DNAH5: variants seen among roughly 807,000 people sequenced by gnomAD.
DNAH5 encodes dynein axonemal heavy chain 5.
Under a neutral mutation model 518.2 loss-of-function variants are expected in DNAH5, and 372 were observed. The ratio of observed to expected loss-of-function variants is 0.72; its 90% confidence interval spans 0.66 to 0.78. The LOEUF is 0.78. DNAH5 is among the 30% of genes least tolerant of loss of function. The pLI is 0.00. For missense variants in DNAH5, 5,523 were observed against 5,687.0 expected (o/e 0.97, Z 0.93); for synonymous variants, 2,039 against 2,025.9 (o/e 1.01, Z -0.17).
In DNAH5 at chr5:13,901,383, T is replaced by C. The variant is rs1774597178; in HGVS notation, c.1921A>G (p.Met641Val). Reference sequence around the variant, plus strand: ...GCTGGGTGCTGCTGGAAAAGCTGCATGGGCTGCTGAATCCTATGGAAGAGC... The same window carrying C: ...GCTGGGTGCTGCTGGAAAAGCTGCACGGGCTGCTGAATCCTATGGAAGAGC... ...RQLFHRIQQP[M>V]QLFQQHPAVL... Residue 641 changes from methionine to valine, a missense_variant, in exon 14 of 79, where the codon ATG becomes GTG. Met to Val is a conservative substitution (Grantham distance 21). This residue lies in a region of DNAH5 where 5,121 missense variants were observed against 5,223.3 expected (regional missense o/e 0.98). Transcript: ENST00000265104. The C allele has an allele frequency of 6.2e-7, 1 of 1,614,160 alleles. No homozygotes were observed. Among genetic ancestry groups the C allele is most frequent in the Non-Finnish European group, 8.5e-7 (1 of 1,180,018 alleles).
chr5:13,993,925 C>T (rs1210309529), intron 1 of DNAH5, among the ~76,000 whole-genome samples: 1 of 152,196 alleles, frequency 6.6e-6, no homozygotes, highest in Non-Finnish European at 1.5e-5. Flanking sequence ...TATAATGCAA[C>T]CCATTGCTCA....
chr5:13,752,394 A>G lies in DNAH5; in HGVS notation c.10873-105T>C, dbSNP rs1580062300. The G allele has an allele frequency of 4.5e-6, 6 of 1,332,234 alleles. No individual in the cohort carries two copies. The East Asian group carries it at 1.4e-4, about 31-fold the overall frequency. The allele number at this position is 1,332,234 out of a possible 1,614,324, so 82.5% of individuals were successfully genotyped here. On this transcript the variant is annotated intron_variant, in intron 63 of 78. Transcript: ENST00000265104. ...CCTAAAGCATTCTACTGCAAGAGACAAATACAAATTGAGCATCCAAAATGT... is the reference window on the plus strand; with the variant it reads ...CCTAAAGCATTCTACTGCAAGAGACGAATACAAATTGAGCATCCAAAATGT...
At position 13,911,397 on chromosome 5, in the gene DNAH5, T is replaced by C. The variant is rs748591851; in HGVS notation, c.1633A>G (p.Asn545Asp). The C allele has an allele frequency of 6.2e-7, 1 of 1,613,236 alleles. No homozygotes were observed. The highest frequency in any genetic ancestry group is 8.5e-7 in the Non-Finnish European group (1 of 1,179,292). Residue 545 changes from asparagine to aspartate, a missense_variant, in exon 12 of 79, where the codon AAT becomes GAT. Physicochemically the swap from Asn to Asp is conservative, Grantham distance 23. Coordinates refer to ENST00000265104, the MANE Select transcript of DNAH5 (RefSeq NM_001369.3). Reference sequence around the variant, plus strand: ...ATTATACAACCTACATGAAGGTCATTAGTCTGCTTGCAAAACTCTTCGTAA... The same window carrying C: ...ATTATACAACCTACATGAAGGTCATCAGTCTGCTTGCAAAACTCTTCGTAA... ...QDYEEFCKQT[N>D]DLHNELRKFM...
intron 1 of DNAH5, among the ~76,000 whole-genome samples, chr5:13,985,430 A>AAAATATATATATATAT (rs1554006218): frequency 7.9e-6 from 1 of 127,346 alleles, no homozygotes; most frequent in Non-Finnish European, 1.7e-5. Flanking sequence ...AGTATAATAA[A>AAAATATATATATATAT]ATATATATAT....
rs1765753998 is a variant in DNAH5, at chr5:13,844,877, T to C, written c.5231A>G (p.Asn1744Ser). ...GACAGATTTAATGTTGTCAAACACA[T>C]TCAGCAAATGGGCCTGTATAGTGTG... Reference protein sequence around the residue: ...DSHTIQAHLLNVFDNIKSVKF... With the variant: ...DSHTIQAHLLSVFDNIKSVKF... The change falls in exon 32 of 79, where the codon AAT becomes AGT. Residue 1744 changes from asparagine (N) to serine (S), a missense_variant. Physicochemically the swap from Asn to Ser is conservative, Grantham distance 46. Coordinates refer to ENST00000265104, the MANE Select transcript of DNAH5 (RefSeq NM_001369.3). 6.2e-7 allele frequency: 1 copy of C among 1,614,200 alleles called. No individual in the cohort carries two copies. Among genetic ancestry groups the C allele is most frequent in the South Asian group, 1.1e-5 (1 of 91,080 alleles).
intron 53 of DNAH5, among the ~76,000 whole-genome samples, chr5:13,779,193 A>G (rs1054263558): frequency 6.6e-6 from 1 of 152,224 alleles, no homozygotes; most frequent in African/African-American, 2.4e-5. Flanking sequence ...TTTGAGTCCA[A>G]TCCCTTTCCT....
rs370351407 is a variant in DNAH5, at chr5:13,890,299, C to T, written c.2577+677G>A. ...GCGTGTGCCTGTAGTCCCAGCTACT[C>T]GGGAAGCTGAGGCAGGAGAATTGCT... On this transcript the variant is annotated intron_variant, in intron 17 of 78. Coordinates refer to ENST00000265104, the MANE Select transcript of DNAH5 (RefSeq NM_001369.3). 6.9e-4 allele frequency among the ~76,000 whole-genome samples: 104 copies of T among 150,394 alleles called. 2 individuals carry two copies. The South Asian group carries it at 0.018, about 26-fold the overall frequency.
intron 1 of DNAH5, among the ~76,000 whole-genome samples, chr5:13,954,215 T>A (rs1282770091): frequency 6.6e-6 from 1 of 152,172 alleles, no homozygotes; most frequent in African/African-American, 2.4e-5. Context: ...TTCCCTGATA[T>A]ACCCTGCACG....
chr5:13,912,773 G>C (rs539895690), intron 11 of DNAH5, among the ~76,000 whole-genome samples: 9 of 151,886 alleles, frequency 5.9e-5, no homozygotes, highest in African/African-American at 2.2e-4. Flanking sequence ...CCTGCTCTAT[G>C]ACTGGATTTA....
At chr5:13,950,579 T>C (rs1002991207) in intron 1 of DNAH5, among the ~76,000 whole-genome samples, 14 of 152,232 alleles carry the variant, frequency 9.2e-5, no homozygotes, top group African/African-American at 2.7e-4. Flanking sequence ...CCCAGCCGTA[T>C]TCTTTGTATA....
intron 21 of DNAH5, among the ~76,000 whole-genome samples, chr5:13,882,223 C>T (rs999251650): frequency 6.6e-6 from 1 of 151,924 alleles, no homozygotes; most frequent in Non-Finnish European, 1.5e-5. Context: ...CTAAATTCTA[C>T]CAAACATTTA....
intron 1 of DNAH5, among the ~76,000 whole-genome samples, chr5:13,998,045 T>C (rs1173628144): frequency 6.6e-6 from 1 of 152,136 alleles, no homozygotes; most frequent in African/African-American, 2.4e-5. Flanking sequence ...GGTTTCATCA[T>C]GTTGGCCAGG....
chr5:13,811,637 A>G lies in DNAH5; in HGVS notation c.7407+10T>C, dbSNP rs1413734781. On this transcript the variant is annotated intron_variant, in intron 44 of 78. Coordinates refer to ENST00000265104, the MANE Select transcript of DNAH5 (RefSeq NM_001369.3). ...AAGAGAGAATTTCTCTAGAAAGTTG[A>G]GCAATTTACCTTCAGAGGAATCAGG... 1 of 1,613,638 alleles carries G rather than the reference A, an allele frequency of 6.2e-7. No homozygotes were observed. The highest frequency in any genetic ancestry group is 1.3e-5 in the African/African-American group (1 of 74,922).
In DNAH5 at chr5:13,931,207, A is replaced by T. The variant is rs1778381243; in HGVS notation, c.95T>A (p.Leu32His). 1 of 1,614,162 alleles carries T rather than the reference A, an allele frequency of 6.2e-7. No homozygotes were observed. The highest frequency in any genetic ancestry group is 8.5e-7 in the Non-Finnish European group (1 of 1,179,978). Residue 32 changes from leucine to histidine, a missense_variant, in exon 2 of 79, where the codon CTT becomes CAT. Leu to His is a moderately conservative substitution (Grantham distance 99). Coordinates refer to ENST00000265104, the MANE Select transcript of DNAH5 (RefSeq NM_001369.3). ...TAAGTAGTTATGCCTCGCATCCAAA[A>T]GAGCCCGCTTGGCTTCCTTCTCTCC... ...LKGEKEAKRA[L>H]LDARHNYLFA...
Position 13,886,100 on chromosome 5 carries a change from T to G in DNAH5, c.2607A>C (p.Leu869=), listed in dbSNP as rs1354805314. The G allele has an allele frequency of 6.3e-7, 1 of 1,594,002 alleles. No individual in the cohort carries two copies. The highest frequency in any genetic ancestry group is 1.1e-5 in the South Asian group (1 of 90,344). Reference sequence around the variant, plus strand: ...CCTCCACTAATGAGCTTTTAAAATGTAGTATTTGTGCACCATTTACACAAA... The same window carrying G: ...CCTCCACTAATGAGCTTTTAAAATGGAGTATTTGTGCACCATTTACACAAA... ...KDLCVNGAQI[L]HFKSSLVEEA... The change falls in exon 18 of 79, where the codon CTA becomes CTC. Residue 869 remains leucine (L), a synonymous_variant. Transcript: ENST00000265104.
In DNAH5 at chr5:13,719,030, T is replaced by A; in HGVS notation, c.12351A>T (p.Ile4117=). 1 of 1,614,174 alleles carries A rather than the reference T, an allele frequency of 6.2e-7. No homozygotes were observed. Among genetic ancestry groups the A allele is most frequent in the South Asian group, 1.1e-5 (1 of 91,074 alleles). The change falls in exon 72 of 79, where the codon ATA becomes ATT. Residue 4117 remains isoleucine, a synonymous_variant. Coordinates refer to ENST00000265104, the MANE Select transcript of DNAH5 (RefSeq NM_001369.3). ...DFMDELMDII[I]ETELVHDAFR... The stretch of plus-strand genomic sequence containing the variant: ...ACGCATCATGTACAAGCTCAGTTTC[T>A]ATGATTATGTCCATCAGCTCATCCA...
At chr5:13,841,543 A>G in intron 33 of DNAH5, 149 bp downstream of exon 33, 1 of 653,966 alleles carries the variant, frequency 1.5e-6, no homozygotes, top group Non-Finnish European at 2.7e-6. Context: ...TAAAATCTGA[A>G]AGGTTAAGTA....
chr5:13,866,425 C>T, intron 25 of DNAH5, 143 bp from the exon 26 acceptor site: 1 of 708,898 alleles, frequency 1.4e-6, no homozygotes, highest in Non-Finnish European at 2.3e-6. Context: ...AAGGGCCTCA[C>T]AAAGTGATTC....
intron 1 of DNAH5, among the ~76,000 whole-genome samples, chr5:14,009,256 C>T (rs541369217): frequency 1.3e-5 from 2 of 152,326 alleles, no homozygotes; most frequent in African/African-American, 4.8e-5. Context: ...GAAAATGTAA[C>T]AGGTAAACTT....
Sources: gnomAD v4.1 joint callset for allele counts (sites outside exome capture counted in the v4.1 genomes callset) on GRCh38, gnomAD v4.1.1 for gene constraint, gnomAD v4.1.1 regional missense constraint, MANE v1.5 for transcripts, NCBI Gene and HGNC (gene_info 2026-07-23, HGNC 2026-07-21) for gene names.